SGCZ: variants seen among roughly 807,000 people sequenced by gnomAD.
SGCZ encodes the protein zeta-sarcoglycan.
In SGCZ, 40 loss-of-function variants were observed where a neutral mutation model predicts 41.3. That is an observed-to-expected ratio of 0.97 (90% CI 0.75 to 1.26). SGCZ has a LOEUF of 1.26. SGCZ is among the 50% of genes most tolerant of loss of function. The probability of loss-of-function intolerance (pLI) is 0.00; values close to 1 mark genes in which losing one functional copy is unlikely to be tolerated. For missense variants in SGCZ, 552 were observed against 369.8 expected, an observed-to-expected ratio of 1.49 and a Z score of -4.04; for synonymous variants, 206 against 137.5, an observed-to-expected ratio of 1.50 and a Z score of -3.49.
At chr8:14,465,463 A>C (rs1801022505) in intron 2 of SGCZ, among the ~76,000 whole-genome samples, 1 of 151,668 alleles carries the variant, frequency 6.6e-6, no homozygotes, top group African/African-American at 2.4e-5. Flanking sequence ...AGTCTCCTGT[A>C]CAGTTGCATC....
intron 1 of SGCZ, among the ~76,000 whole-genome samples, chr8:15,014,187 G>T (rs994754040): frequency 2.0e-5 from 3 of 152,318 alleles, no homozygotes; most frequent in Admixed American, 2.0e-4. Flanking sequence ...TGGTAGCTGA[G>T]AAGCTACTCT....
At position 14,998,356 on chromosome 8, in the gene SGCZ, G is replaced by C. The variant is rs147489814; in HGVS notation, c.39+239229C>G. Among the ~76,000 whole-genome samples the C allele has an allele frequency of 3.0e-3, 451 of 152,246 alleles. 3 individuals carry two copies. The highest frequency in any genetic ancestry group is 9.8e-3 in the African/African-American group (409 of 41,538). ...AAAGTTACTTCTGAATACAGTTCTG[G>C]GTTGTAGCTATAAGCTTTCCAGTAA... On this transcript the variant is annotated intron_variant, in intron 1 of 7. Coordinates refer to ENST00000382080, the MANE Select transcript of SGCZ (RefSeq NM_139167.4).
chr8:14,438,770 TATTA>T (rs778618318), intron 2 of SGCZ, among the ~76,000 whole-genome samples: 31 of 152,046 alleles, frequency 2.0e-4, no homozygotes, highest in East Asian at 7.7e-4. Flanking sequence ...TGTAACATTA[TATTA>T]ATTAATAAAT....
At chr8:14,530,980 G>A (rs2117124903) in intron 2 of SGCZ, among the ~76,000 whole-genome samples, 1 of 152,116 alleles carries the variant, frequency 6.6e-6, no homozygotes, top group South Asian at 2.1e-4. Flanking sequence ...GGTGGACAGG[G>A]AGGGGTTCCT....
intron 1 of SGCZ, among the ~76,000 whole-genome samples, chr8:14,567,149 G>A (rs1470853082): frequency 1.3e-5 from 2 of 152,206 alleles, no homozygotes; most frequent in Admixed American, 6.5e-5. Context: ...GGTGGCGTCG[G>A]AGCCCCCCCA....
intron 2 of SGCZ, among the ~76,000 whole-genome samples, chr8:14,527,124 A>T (rs143342976): frequency 6.6e-6 from 1 of 152,280 alleles, no homozygotes; most frequent in African/African-American, 2.4e-5. Context: ...AATTCGTGGC[A>T]TACTCTTCCA....
chr8:15,225,721 T>C (rs2117195109), intron 1 of SGCZ, among the ~76,000 whole-genome samples: 1 of 152,258 alleles, frequency 6.6e-6, no homozygotes, highest in South Asian at 2.1e-4. Context: ...TGTGACTTGC[T>C]TGGAGACTGG....
chr8:14,440,529 G>A (rs1388133070), intron 2 of SGCZ, among the ~76,000 whole-genome samples: 1 of 151,766 alleles, frequency 6.6e-6, no homozygotes, highest in Non-Finnish European at 1.5e-5. Context: ...TATTTTAAGA[G>A]AAAAATAAAA....
At chr8:14,241,519 G>C (rs1007551495) in intron 3 of SGCZ, among the ~76,000 whole-genome samples, 2 of 145,910 alleles carry the variant, frequency 1.4e-5, no homozygotes, top group Non-Finnish European at 3.0e-5. Context: ...ATAATATATA[G>C]CATGATATAC....
At chr8:14,203,606 T>A (rs1805525333) in intron 4 of SGCZ, among the ~76,000 whole-genome samples, 1 of 152,160 alleles carries the variant, frequency 6.6e-6, no homozygotes, top group Non-Finnish European at 1.5e-5. Context: ...GGCTGAGTCA[T>A]TACAATGGAA....
chr8:14,802,273 C>G (rs939620018), intron 1 of SGCZ, among the ~76,000 whole-genome samples: 4 of 152,172 alleles, frequency 2.6e-5, no homozygotes, highest in Non-Finnish European at 5.9e-5. Context: ...TTAGAAGGTG[C>G]TTCCCCATGA....
chr8:14,387,208 C>T (rs917314360), intron 2 of SGCZ, among the ~76,000 whole-genome samples: 3 of 152,100 alleles, frequency 2.0e-5, no homozygotes, highest in East Asian at 1.9e-4. Context: ...CCATCACACA[C>T]GACTAACCTT....
intron 1 of SGCZ, among the ~76,000 whole-genome samples, chr8:15,198,431 A>C (rs1391436847): frequency 6.6e-6 from 1 of 152,178 alleles, no homozygotes; most frequent in Non-Finnish European, 1.5e-5. Context: ...AGTCTATCCT[A>C]TACTACTCAT....
intron 5 of SGCZ, among the ~76,000 whole-genome samples, chr8:14,136,797 G>T (rs759636780): frequency 6.6e-6 from 1 of 152,168 alleles, no homozygotes; most frequent in South Asian, 2.1e-4. Flanking sequence ...GAAAAGAGCA[G>T]TGGTTCTCCC....
At chr8:14,409,316 T>C (rs1259475636) in intron 2 of SGCZ, among the ~76,000 whole-genome samples, 2 of 152,110 alleles carry the variant, frequency 1.3e-5, no homozygotes, top group Non-Finnish European at 2.9e-5. Context: ...AGGGGGCCTC[T>C]TATTCTCCCT....
intron 1 of SGCZ, among the ~76,000 whole-genome samples, chr8:15,051,383 T>C (rs917299991): frequency 6.6e-6 from 1 of 152,200 alleles, no homozygotes; most frequent in African/African-American, 2.4e-5. Flanking sequence ...ATAGAATGAA[T>C]ACCACAATTT....
chr8:15,148,826 G>A (rs1799102894), intron 1 of SGCZ, among the ~76,000 whole-genome samples: 1 of 152,152 alleles, frequency 6.6e-6, no homozygotes, highest in Non-Finnish European at 1.5e-5. Flanking sequence ...TAACTGCCAG[G>A]AAAGAGGAGA....
chr8:15,110,084 G>C (rs760764793), intron 1 of SGCZ, among the ~76,000 whole-genome samples: 16 of 152,036 alleles, frequency 1.1e-4, no homozygotes, highest in African/African-American at 3.4e-4. Flanking sequence ...AAAATCTATC[G>C]TGAGCTTAGA....
chr8:14,363,035 T>A (rs1425639863), intron 2 of SGCZ, among the ~76,000 whole-genome samples: 1 of 152,202 alleles, frequency 6.6e-6, no homozygotes, highest in African/African-American at 2.4e-5. Context: ...CAATTTTGTA[T>A]ATTATTTTCA....
Sources: allele counts gnomAD v4.1 joint callset (sites outside exome capture counted in the v4.1 genomes callset), GRCh38; gene constraint gnomAD v4.1.1; transcripts MANE v1.5; gene names NCBI Gene and HGNC (gene_info 2026-07-23, HGNC 2026-07-21).